ZMYM2: variants seen among roughly 807,000 people sequenced by gnomAD.
ZMYM2 encodes the protein zinc finger MYM-type containing 2.
Under a neutral mutation model 162.8 loss-of-function variants are expected in ZMYM2, and 56 were observed. That is an observed-to-expected ratio of 0.34 (90% confidence interval 0.28 to 0.43). The LOEUF is 0.43. Ranked by LOEUF, ZMYM2 falls within the 20% of genes least tolerant of loss-of-function variation. The probability of loss-of-function intolerance (pLI) is 1.00; values close to 1 mark genes in which losing one functional copy is unlikely to be tolerated. For missense variants in ZMYM2, 1,275 were observed against 1,621.8 expected (o/e 0.79, Z 3.67); for synonymous variants, 510 against 541.6 (o/e 0.94, Z 0.81).
intron 21 of ZMYM2, among the ~76,000 whole-genome samples, chr13:20,069,975 C>A (rs1020183350): frequency 6.6e-6 from 1 of 151,048 alleles, no homozygotes; most frequent in Non-Finnish European, 1.5e-5. Context: ...CTTTTTTTTT[C>A]TTTTATGTTA....
intron 1 of ZMYM2, among the ~76,000 whole-genome samples, chr13:19,959,429 C>T (rs575536246): frequency 6.6e-6 from 1 of 152,240 alleles, no homozygotes; most frequent in South Asian, 2.1e-4. Context: ...GGCTCTTGCT[C>T]CGCACGTATT....
intron 21 of ZMYM2, chr13:20,071,805 C>T (rs1321649999): frequency 5.5e-6 from 1 of 181,650 alleles, no homozygotes; most frequent in African/African-American, 2.4e-5. Context: ...ATTTCTCTGC[C>T]TCCAGACCCC....
chr13:19,971,268 T>A (rs2312996), intron 2 of ZMYM2, among the ~76,000 whole-genome samples: 9,290 of 76,858 alleles, frequency 0.12, 317 homozygotes, highest in Admixed American at 0.17. Context: ...ATATATTTTT[T>A]TTTTTTTTTT....
intron 12 of ZMYM2, among the ~76,000 whole-genome samples, chr13:20,046,713 T>A (rs894390498): frequency 2.0e-5 from 3 of 151,118 alleles, no homozygotes; most frequent in Admixed American, 1.3e-4. Flanking sequence ...ATATATATAT[T>A]AAAGAATAGG....
chr13:20,033,124 A>G (rs1285433709), intron 10 of ZMYM2, among the ~76,000 whole-genome samples: 1 of 152,144 alleles, frequency 6.6e-6, no homozygotes, highest in Non-Finnish European at 1.5e-5. Context: ...AGTAAGAGGT[A>G]ATAAAGGAGT....
chr13:19,916,622 A>G, the ZMYM2 span, among the ~76,000 whole-genome samples: 3 of 152,068 alleles, frequency 2.0e-5, no homozygotes, highest in South Asian at 4.2e-4. Flanking sequence ...ACAGAAAACA[A>G]AACACTGCAT....
chr13:19,973,229 G>A (rs956106350), intron 2 of ZMYM2, among the ~76,000 whole-genome samples: 4 of 151,832 alleles, frequency 2.6e-5, no homozygotes, highest in South Asian at 2.1e-4. Context: ...TAGCCACTGC[G>A]CCCAGCTACA....
At chr13:20,030,833 CAACATAGGCCTATT>C (rs1389276185) in intron 9 of ZMYM2, among the ~76,000 whole-genome samples, 1 of 152,134 alleles carries the variant, frequency 6.6e-6, no homozygotes, top group East Asian at 1.9e-4. Flanking sequence ...TGCGCCTGGC[CAACATAGGCCTATT>C]TCACTGGTAG....
chr13:19,971,349 C>T (rs984812389), intron 2 of ZMYM2, among the ~76,000 whole-genome samples: 14 of 147,948 alleles, frequency 9.5e-5, no homozygotes, highest in Non-Finnish European at 7.5e-5. Flanking sequence ...CGGCTCACCA[C>T]CACCTCTGCC....
chr13:19,970,147 C>A, intron 2 of ZMYM2: 2 of 750,762 alleles, frequency 2.7e-6, no homozygotes, highest in Non-Finnish European at 3.2e-6. Flanking sequence ...ACAGTCATTA[C>A]ACTAGATCAT....
the ZMYM2 span, among the ~76,000 whole-genome samples, chr13:19,937,584 CT>C: frequency 3.4e-3 from 447 of 131,130 alleles, no homozygotes; most frequent in African/African-American, 9.9e-3. Flanking sequence ...CTGTATTCTG[CT>C]TTTTTTTTTT....
At chr13:19,979,463 T>C (rs1452231823) in intron 2 of ZMYM2, among the ~76,000 whole-genome samples, 4 of 151,820 alleles carry the variant, frequency 2.6e-5, no homozygotes, top group Non-Finnish European at 5.9e-5. Context: ...TTTATGTTTC[T>C]TGTTTGTAGG....
Position 20,038,568 on chromosome 13 carries a change from AT to A in ZMYM2, c.2292+1660del, listed in dbSNP as rs548405609. 3.0e-3 allele frequency among the ~76,000 whole-genome samples: 458 copies of A among 152,250 alleles called. 2 individuals carry two copies. The highest frequency in any genetic ancestry group is 0.011 in the African/African-American group (447 of 41,540). ...CTTGTTTTTGTCAGGTTTGTTGAAG[AT>A]CAGATAGTTGTAGGTGTGCGGCCTC... On this transcript the variant is annotated intron_variant, in intron 12 of 24. Transcript: ENST00000610343.
chr13:19,957,810 A>C (rs1039752394), upstream of ZMYM2, among the ~76,000 whole-genome samples: 27 of 152,236 alleles, frequency 1.8e-4, no homozygotes, highest in African/African-American at 6.5e-4. Context: ...GCCCAGCTCC[A>C]GGGGAGCCCG....
intron 2 of ZMYM2, among the ~76,000 whole-genome samples, chr13:19,978,401 A>T (rs559121546): frequency 6.6e-6 from 1 of 151,828 alleles, no homozygotes; most frequent in Non-Finnish European, 1.5e-5. Flanking sequence ...ATTAATATAA[A>T]TTTAAAATTA....
the ZMYM2 span, among the ~76,000 whole-genome samples, chr13:19,909,376 G>T: frequency 6.6e-6 from 1 of 151,176 alleles, no homozygotes; most frequent in South Asian, 2.1e-4. Flanking sequence ...TTTCCTTCTG[G>T]CTGTTGTCTG....
the ZMYM2 span, among the ~76,000 whole-genome samples, chr13:19,905,097 C>T: frequency 6.7e-6 from 1 of 148,504 alleles, no homozygotes; most frequent in Non-Finnish European, 1.5e-5. Flanking sequence ...CTGCAACCTT[C>T]GCCTCCCAGG....
intron 2 of ZMYM2, among the ~76,000 whole-genome samples, chr13:19,971,343 T>C (rs1489833271): frequency 6.9e-6 from 1 of 144,228 alleles, no homozygotes; most frequent in Non-Finnish European, 1.5e-5. Context: ...TGATCTCGGC[T>C]CACCACCACC....
chr13:19,897,679 C>A, the ZMYM2 span, among the ~76,000 whole-genome samples: 7 of 151,382 alleles, frequency 4.6e-5, no homozygotes, highest in African/African-American at 1.7e-4. Context: ...GAGTTTAAGT[C>A]AAAAACTGTT....
Sources: gnomAD v4.1 joint callset for allele counts (sites outside exome capture counted in the v4.1 genomes callset) on GRCh38, gnomAD v4.1.1 for gene constraint, MANE v1.5 for transcripts, NCBI Gene and HGNC (gene_info 2026-07-23, HGNC 2026-07-21) for gene names.